The following PTBP1 variants were observed in gnomAD, a reference collection of about 807,000 sequenced individuals.
PTBP1 encodes the protein polypyrimidine tract-binding protein 1.
Under a neutral mutation model 59.8 loss-of-function variants are expected in PTBP1, and 8 were observed. That is an observed-to-expected ratio of 0.13 (90% CI 0.08 to 0.24). The LOEUF (loss-of-function observed/expected upper bound fraction) is 0.24, where lower values mean the gene tolerates loss of function less well. Ranked by LOEUF, PTBP1 falls within the 10% of genes least tolerant of loss-of-function variation. PTBP1 has a pLI of 1.00. For synonymous variants in PTBP1, 490 were observed against 320.7 expected, an observed-to-expected ratio of 1.53 and a Z score of -5.64; for missense variants, 686 against 767.0, an observed-to-expected ratio of 0.89 and a Z score of 1.25.
At chr19:799,359 C>G (rs781605811) in intron 1 of PTBP1, 54 bp from the exon 2 acceptor site, 1 of 1,568,510 alleles carries the variant, frequency 6.4e-7, no homozygotes, top group Non-Finnish European at 8.8e-7. Flanking sequence ...GCTGGGTGCT[C>G]CTGCTGCTGA....
chr19:808,123 A>G lies in PTBP1; in HGVS notation c.1153+221A>G. 3.2e-6 allele frequency: 2 copies of G among 631,388 alleles called. No individual in the cohort carries two copies. The highest frequency in any genetic ancestry group is 3.9e-5 in the South Asian group (2 of 51,880). 39.1% of individuals were successfully genotyped at this position (631,388 alleles called of 1,614,324 possible). ...TTTCAGAGTTAGACCTGTCGGTGGCATATGCCACCGTGGCCACCCGCTGGC... is the reference window on the plus strand; with the variant it reads ...TTTCAGAGTTAGACCTGTCGGTGGCGTATGCCACCGTGGCCACCCGCTGGC... On this transcript the variant is annotated intron_variant, in intron 11 of 14. Coordinates refer to ENST00000356948, the MANE Select transcript of PTBP1 (RefSeq NM_002819.5). The surrounding 1 kb of genome is among the most constrained non-coding windows in gnomAD (Gnocchi z 4.7).
At chr19:805,626 AGGCAGCTCCGCATCCACGGC>A (rs1457333922) in intron 9 of PTBP1, 57 bp downstream of exon 9, 1 of 1,446,012 alleles carries the variant, frequency 6.9e-7, no homozygotes, top group East Asian at 2.3e-5. Flanking sequence ...CCACCTTCCC[AGGCAGCTCCGCATCCACGGC>A]GGCAGCCTGG....
intron 2 of PTBP1, among the ~76,000 whole-genome samples, chr19:801,908 G>A (rs1026822655): frequency 6.6e-6 from 1 of 152,218 alleles, no homozygotes; most frequent in African/African-American, 2.4e-5. Flanking sequence ...TCGAGGGTCT[G>A]TTTTCAGTAT....
chr19:810,978 C>A lies in PTBP1; in HGVS notation c.*152C>A. Reference sequence around the variant, plus strand: ...TTACCTGTTTTTAAAAAAATTAAATCTAGTTCACCTTGCTCACCCTGCGGT... The same window carrying A: ...TTACCTGTTTTTAAAAAAATTAAATATAGTTCACCTTGCTCACCCTGCGGT... On this transcript the variant is annotated 3_prime_UTR_variant, in exon 15 of 15. Transcript: ENST00000356948. The A allele has an allele frequency of 1.2e-6, 1 of 822,472 alleles. No individual in the cohort carries two copies. The highest frequency in any genetic ancestry group is 1.8e-6 in the Non-Finnish European group (1 of 568,604). 50.9% of individuals were successfully genotyped at this position (822,472 alleles called of 1,614,324 possible). A position where few individuals can be genotyped will look rare whatever the true frequency, so the allele number is the denominator to read the frequency against.
chr19:802,987 C>T (rs112987275), intron 2 of PTBP1, among the ~76,000 whole-genome samples: 5 of 152,174 alleles, frequency 3.3e-5, no homozygotes, highest in Admixed American at 2.6e-4. Flanking sequence ...TCCTCAGTCT[C>T]GCGTGTGCAG....
intron 13 of PTBP1, 145 bp from the exon 14 acceptor site, chr19:810,398 G>T: frequency 1.6e-6 from 1 of 637,598 alleles, no homozygotes; most frequent in Non-Finnish European, 2.7e-6. Flanking sequence ...TTGTGGACAT[G>T]ATTTGATACC....
chr19:811,809 T>C lies in PTBP1; in HGVS notation c.*983T>C, dbSNP rs1331220915. ...CACCACGCCTTCACCTGCAGTCGCC[T>C]AGAAAACTTGCTCTCAAACTTCAGG... On this transcript the variant is annotated 3_prime_UTR_variant, in exon 15 of 15. Coordinates refer to ENST00000356948, the MANE Select transcript of PTBP1 (RefSeq NM_002819.5). 5.2e-5 allele frequency: 8 copies of C among 152,488 alleles called. No homozygotes were observed. Among genetic ancestry groups the C allele is most frequent in the Non-Finnish European group, 1.0e-4 (7 of 68,028 alleles). The allele number at this position is 152,488 out of a possible 1,614,324, so 9.4% of individuals were successfully genotyped here. A position where few individuals can be genotyped will look rare whatever the true frequency, so the allele number is the denominator to read the frequency against.
rs144680552 is a variant in PTBP1 at position 806,857 on chromosome 19, C to T, written c.1119+301C>T. On this transcript the variant is annotated intron_variant, in intron 10 of 14. Coordinates refer to ENST00000356948, the MANE Select transcript of PTBP1 (RefSeq NM_002819.5). Reference sequence around the variant, plus strand: ...GCTGAGCAGGGCGCGCAGTTCAGAGCCCCAGCAGGCCGCCCTGCTGGTCAG... The same window carrying T: ...GCTGAGCAGGGCGCGCAGTTCAGAGTCCCAGCAGGCCGCCCTGCTGGTCAG... 269 of 261,030 alleles carry T rather than the reference C, an allele frequency of 1.0e-3. 4 individuals are homozygous for T. In the East Asian group the frequency reaches 0.018, roughly 18 times the overall value. 16.2% of individuals were successfully genotyped at this position (261,030 alleles called of 1,614,324 possible).
intron 2 of PTBP1, among the ~76,000 whole-genome samples, chr19:802,374 C>G (rs890554394): frequency 2.7e-5 from 4 of 150,716 alleles, no homozygotes; most frequent in African/African-American, 7.4e-5. Flanking sequence ...CTCGGGGAGG[C>G]CAGCGTTGGT....
chr19:800,236 C>T (rs909086026), intron 2 of PTBP1, among the ~76,000 whole-genome samples: 1 of 151,854 alleles, frequency 6.6e-6, no homozygotes, highest in Non-Finnish European at 1.5e-5. Flanking sequence ...ACCCGGCTGA[C>T]ATTAAGTATC....
rs920185906 is a variant in PTBP1 at position 808,245 on chromosome 19, A to C, written c.1154-115A>C. On this transcript the variant is annotated intron_variant, in intron 11 of 14. Coordinates refer to ENST00000356948, the MANE Select transcript of PTBP1 (RefSeq NM_002819.5). This position sits in a 1 kb window ranked among gnomAD's most constrained non-coding sequence, Gnocchi z 4.7. ...GACGCAGCTCCGCAGTGGCCGATAA[A>C]GCAAACCCGGCCGGGCTGAGCCGGG... 8.8e-6 allele frequency: 8 copies of C among 908,248 alleles called. No homozygotes were observed. In the African/African-American group the frequency reaches 1.0e-4, roughly 11 times the overall value. The allele number at this position is 908,248 out of a possible 1,614,324, so 56.3% of individuals were successfully genotyped here. A position where few individuals can be genotyped will look rare whatever the true frequency, so the allele number is the denominator to read the frequency against.
intron 7 of PTBP1, 33 bp downstream of exon 7, chr19:804,972 G>A: frequency 6.2e-7 from 1 of 1,612,258 alleles, no homozygotes; most frequent in East Asian, 2.2e-5. Flanking sequence ...CGCCCGCCCT[G>A]GCCCTGGCCC....
chr19:810,702 G>A lies in PTBP1; in HGVS notation c.1550G>A (p.Arg517His), dbSNP rs1466338768. 7 of 1,611,542 alleles carry A rather than the reference G, an allele frequency of 4.3e-6. No homozygotes were observed. The highest frequency in any genetic ancestry group is 2.2e-5 in the East Asian group (1 of 44,714). The change falls in exon 15 of 15, where the codon CGC becomes CAC. Residue 517 changes from arginine (R) to histidine (H), a missense_variant. By Grantham distance (29) the Arg-to-His change is conservative. Coordinates refer to ENST00000356948, the MANE Select transcript of PTBP1 (RefSeq NM_002819.5). The stretch of plus-strand genomic sequence containing the variant: ...GACCCCCTGTCTTGCAGGAAGGACC[G>A]CAAGATGGCACTGATCCAGATGGGC... ...VKGFKFFQKDRKMALIQMGSV... is the reference protein window; with the variant it reads ...VKGFKFFQKDHKMALIQMGSV...
intron 2 of PTBP1, among the ~76,000 whole-genome samples, chr19:802,346 G>A (rs773075255): frequency 7.2e-5 from 11 of 152,122 alleles, no homozygotes; most frequent in Non-Finnish European, 1.3e-4. Context: ...GCGGCCTTAA[G>A]AGAAGACCAA....
At chr19:809,714 CCT>C in intron 13 of PTBP1, among the ~76,000 whole-genome samples, 1 of 152,228 alleles carries the variant, frequency 6.6e-6, no homozygotes. Context: ...TAAAGTGAGA[CCT>C]CTGTCTCTAC....
chr19:810,267 CTG>C (rs2034793859), intron 13 of PTBP1, among the ~76,000 whole-genome samples: 2 of 152,286 alleles, frequency 1.3e-5, no homozygotes, highest in East Asian at 1.9e-4. Context: ...GATCACGCCA[CTG>C]TGCTCCCGCC....
chr19:805,063 C>G lies in PTBP1; in HGVS notation c.768C>G (p.Asp256Glu). The G allele has an allele frequency of 2.5e-6, 4 of 1,613,896 alleles. No individual in the cohort carries two copies. Residue 256 changes from aspartate to glutamate, a missense_variant, in exon 8 of 15, where the codon GAC (aspartate) becomes GAG (glutamate). Coordinates refer to ENST00000356948, the MANE Select transcript of PTBP1 (RefSeq NM_002819.5). ...ACGCCTGCTGCACGCTGCGCATCGACTTTTCCAAGCTCACCAGCCTCAACG... is the reference window on the plus strand; with the variant it reads ...ACGCCTGCTGCACGCTGCGCATCGAGTTTTCCAAGCTCACCAGCCTCAACG... ...IYNACCTLRI[D>E]FSKLTSLNVK...
intron 2 of PTBP1, among the ~76,000 whole-genome samples, chr19:802,433 GGT>G (rs991665476): frequency 9.2e-5 from 14 of 151,422 alleles, no homozygotes; most frequent in African/African-American, 3.4e-4. Flanking sequence ...CAGGCATGGG[GGT>G]GTGTGGAGCT....
Position 804,560 on chromosome 19 carries a change from A to C in PTBP1, c.464A>C (p.Asn155Thr). Residue 155 changes from asparagine (N) to threonine (T), a missense_variant, in exon 6 of 15, where the codon AAC becomes ACC. Coordinates refer to ENST00000356948, the MANE Select transcript of PTBP1 (RefSeq NM_002819.5). Reference sequence around the variant, plus strand: ...GCCCAGGCGGCCCTGCAGGCGGTGAACTCGGTCCAGTCGGGGAACCTGGCC... The same window carrying C: ...GCCCAGGCGGCCCTGCAGGCGGTGACCTCGGTCCAGTCGGGGAACCTGGCC... ...ARAQAALQAV[N>T]SVQSGNLALA... 1 of 1,607,928 alleles carries C rather than the reference A, an allele frequency of 6.2e-7. No homozygotes were observed. The highest frequency in any genetic ancestry group is 8.5e-7 in the Non-Finnish European group (1 of 1,178,736).
Sources: allele counts gnomAD v4.1 joint callset (sites outside exome capture counted in the v4.1 genomes callset), GRCh38; gene constraint gnomAD v4.1.1; non-coding constraint Gnocchi (gnomAD v3.1); transcripts MANE v1.5; gene names NCBI Gene and HGNC (gene_info 2026-07-23, HGNC 2026-07-21).